Variants in CEMIP observed in about 807,000 individuals in gnomAD.
CEMIP encodes cell migration inducing hyaluronidase 1.
Under a neutral mutation model 156.9 loss-of-function variants are expected in CEMIP, and 105 were observed. The observed-to-expected ratio is 0.67, with a 90% CI of 0.57 to 0.79. CEMIP has a LOEUF of 0.79. Among genes scored for constraint, CEMIP ranks in the 30% least tolerant of loss-of-function variants. CEMIP has a pLI of 0.00. For missense variants in CEMIP, 1,457 were observed against 1,769.4 expected (o/e 0.82, Z 3.17); for synonymous variants, 676 against 668.4 (o/e 1.01, Z -0.17).
intron 1 of CEMIP, among the ~76,000 whole-genome samples, chr15:80,800,842 C>G (rs974878398): frequency 2.0e-5 from 3 of 152,158 alleles, no homozygotes; most frequent in Admixed American, 1.3e-4. Context: ...TTCCAAAAAC[C>G]TGTTATAAAG....
intron 1 of CEMIP, among the ~76,000 whole-genome samples, chr15:80,815,245 G>C (rs1270013175): frequency 6.6e-6 from 1 of 152,248 alleles, no homozygotes; most frequent in Non-Finnish European, 1.5e-5. Flanking sequence ...GCCTCTCTGA[G>C]ATTAGGTTTC....
intron 17 of CEMIP, among the ~76,000 whole-genome samples, chr15:80,923,773 C>T (rs1344032889): frequency 6.6e-6 from 1 of 152,102 alleles, no homozygotes. Context: ...CTTATTGGGT[C>T]CTCATAACCA....
chr15:80,787,642 C>G (rs1164100421), intron 1 of CEMIP, among the ~76,000 whole-genome samples: 4 of 152,196 alleles, frequency 2.6e-5, no homozygotes. Context: ...TAGATTTTTC[C>G]TCAAAGCTGG....
At chr15:80,815,335 T>C (rs973720007) in intron 1 of CEMIP, among the ~76,000 whole-genome samples, 1 of 152,264 alleles carries the variant, frequency 6.6e-6, no homozygotes, top group African/African-American at 2.4e-5. Flanking sequence ...AGCAACGCTC[T>C]GTCCCTATCT....
chr15:80,837,271 G>A (rs1173384627), intron 1 of CEMIP, among the ~76,000 whole-genome samples: 3 of 152,212 alleles, frequency 2.0e-5, no homozygotes, highest in African/African-American at 7.2e-5. Context: ...TTCCATGCTT[G>A]ATAGACAGAC....
intron 1 of CEMIP, among the ~76,000 whole-genome samples, chr15:80,843,484 A>T (rs1362751713): frequency 6.6e-6 from 1 of 152,166 alleles, no homozygotes; most frequent in Non-Finnish European, 1.5e-5. Context: ...CTGGAGGGGC[A>T]GGGGGGCTGC....
At chr15:80,819,230 C>T (rs1896857030) in intron 1 of CEMIP, among the ~76,000 whole-genome samples, 1 of 152,196 alleles carries the variant, frequency 6.6e-6, no homozygotes, top group African/African-American at 2.4e-5. Context: ...CACTCATTTC[C>T]CTTTTTGCAT....
chr15:80,861,448 C>A (rs1399344249), intron 1 of CEMIP, among the ~76,000 whole-genome samples: 1 of 152,228 alleles, frequency 6.6e-6, no homozygotes, highest in South Asian at 2.1e-4. Flanking sequence ...CTGCTGTATT[C>A]TCCAGGCATC....
intron 3 of CEMIP, 120 bp downstream of exon 3, chr15:80,874,093 TG>T: frequency 1.1e-6 from 1 of 932,584 alleles, no homozygotes; most frequent in Non-Finnish European, 1.7e-6. Flanking sequence ...TCAGGGTGCC[TG>T]GGCCTTGGCC....
chr15:80,788,821 C>T (rs1896010131), intron 1 of CEMIP, among the ~76,000 whole-genome samples: 2 of 152,046 alleles, frequency 1.3e-5, no homozygotes, highest in African/African-American at 4.8e-5. Context: ...CTGGTGCTTG[C>T]AGCTGAGCCC....
rs1899954353 is a variant in CEMIP, at chr15:80,909,378, T to A, written c.1797+72T>A. 2.7e-6 allele frequency: 4 copies of A among 1,459,470 alleles called. No homozygotes were observed. The South Asian group carries it at 4.6e-5, about 17-fold the overall frequency. The allele number at this position is 1,459,470 out of a possible 1,614,324, so 90.4% of individuals were successfully genotyped here. A position where few individuals can be genotyped will look rare whatever the true frequency, so the allele number is the denominator to read the frequency against. ...GGTTAGCACTGGAGGGGTGTTTGGA[T>A]GTAGACACTTAATCCAGGGCCTTTG... On this transcript the variant is annotated intron_variant, in intron 14 of 29. Transcript: ENST00000394685.
At chr15:80,917,440 C>T (rs1900315636) in intron 14 of CEMIP, among the ~76,000 whole-genome samples, 1 of 152,218 alleles carries the variant, frequency 6.6e-6, no homozygotes, top group East Asian at 1.9e-4. Context: ...AACTTGACCT[C>T]AGATGTTCTG....
In CEMIP at chr15:80,937,842, C is replaced by T. The variant is rs375799708; in HGVS notation, c.3270C>T (p.Phe1090=). Residue 1090 remains phenylalanine (F), a synonymous_variant, in exon 25 of 30, where the codon TTC becomes TTT. Coordinates refer to ENST00000394685, the MANE Select transcript of CEMIP (RefSeq NM_001293298.2). ...TCTGCTACCCGCGAGGCACCACATT[C>T]TCCATCCTCTCGGATGTTCACAATC... ...VGLCYPRGTT[F]SILSDVHNRL... is the part of the protein sequence containing the mutation. 121 of 1,614,144 alleles carry T rather than the reference C, an allele frequency of 7.5e-5. 2 individuals carry two copies. Among genetic ancestry groups the T allele is most frequent in the Middle Eastern group, 3.3e-4 (2 of 6,084 alleles).
intron 1 of CEMIP, among the ~76,000 whole-genome samples, chr15:80,782,746 T>C (rs1475282536): frequency 6.6e-6 from 1 of 152,184 alleles, no homozygotes; most frequent in Non-Finnish European, 1.5e-5. Flanking sequence ...TCTAAAAGGA[T>C]TGGAGCTGAA....
At chr15:80,942,650 C>T (rs1011721807) in intron 27 of CEMIP, among the ~76,000 whole-genome samples, 1 of 152,126 alleles carries the variant, frequency 6.6e-6, no homozygotes, top group South Asian at 2.1e-4. Flanking sequence ...AATTTAGGGC[C>T]CACCCTAAAA....
At chr15:80,880,296 G>C (rs765051953) in intron 5 of CEMIP, among the ~76,000 whole-genome samples, 8 of 152,200 alleles carry the variant, frequency 5.3e-5, no homozygotes, top group Non-Finnish European at 8.8e-5. Context: ...TTCCACATCT[G>C]ATATGGACAA....
chr15:80,848,735 C>T (rs978475438), intron 1 of CEMIP, among the ~76,000 whole-genome samples: 2 of 152,062 alleles, frequency 1.3e-5, no homozygotes, highest in Admixed American at 6.5e-5. Flanking sequence ...AACCAGTTTC[C>T]CCAGCTTCTG....
At chr15:80,878,890 C>G (rs930655415) in intron 4 of CEMIP, 23 bp downstream of exon 4, 1 of 1,614,056 alleles carries the variant, frequency 6.2e-7, no homozygotes, top group African/African-American at 1.3e-5. Context: ...CTCTCTGCTG[C>G]TCCCTCTTCC....
At chr15:80,881,234 A>T (rs1898648299) in intron 6 of CEMIP, 98 bp downstream of exon 6, 1 of 1,041,110 alleles carries the variant, frequency 9.6e-7, no homozygotes, top group South Asian at 1.3e-5. Flanking sequence ...CTGGGAGAAC[A>T]GCAGTGAATG....
Sources: gnomAD v4.1 joint callset for allele counts (sites outside exome capture counted in the v4.1 genomes callset) on GRCh38, gnomAD v4.1.1 for gene constraint, MANE v1.5 for transcripts, NCBI Gene and HGNC (gene_info 2026-07-23, HGNC 2026-07-21) for gene names.